The following RPAP3 variants were observed in gnomAD, a reference collection of about 807,000 sequenced individuals.
The protein encoded by RPAP3 is RNA polymerase II-associated protein 3.
In RPAP3, 58 loss-of-function variants were observed where a neutral mutation model predicts 88.8. The ratio of observed to expected loss-of-function variants is 0.65; its 90% confidence interval spans 0.53 to 0.81. The LOEUF (loss-of-function observed/expected upper bound fraction) is 0.81, where lower values mean the gene tolerates loss of function less well. Ranked by LOEUF, RPAP3 falls within the 40% of genes least tolerant of loss-of-function variation. The pLI, the probability that RPAP3 is intolerant of heterozygous loss-of-function variation, is 0.00. For missense variants in RPAP3, 751 were observed against 764.3 expected (o/e 0.98, Z 0.20); for synonymous variants, 255 against 259.9 (o/e 0.98, Z 0.18).
intron 12 of RPAP3, among the ~76,000 whole-genome samples, chr12:47,673,789 T>G (rs1939050289): frequency 6.6e-6 from 1 of 152,074 alleles, no homozygotes; most frequent in Non-Finnish European, 1.5e-5. Context: ...TTGTAATTAT[T>G]CTCTAAATTA....
chr12:47,674,311 G>GA (rs774929086), intron 12 of RPAP3, among the ~76,000 whole-genome samples: 4 of 152,112 alleles, frequency 2.6e-5, no homozygotes, highest in Admixed American at 1.3e-4. Context: ...CAAAAAAGAT[G>GA]AAAATTCTAA....
At chr12:47,694,273 C>T (rs984685074) in intron 5 of RPAP3, among the ~76,000 whole-genome samples, 9 of 152,134 alleles carry the variant, frequency 5.9e-5, no homozygotes, top group Non-Finnish European at 1.2e-4. Context: ...AAAGTGATCT[C>T]GGCAAACATG....
At chr12:47,691,859 C>T (rs781370849) in intron 5 of RPAP3, among the ~76,000 whole-genome samples, 1 of 152,094 alleles carries the variant, frequency 6.6e-6, no homozygotes, top group Non-Finnish European at 1.5e-5. Context: ...CATTCTCCTG[C>T]CTCAGCCTCC....
rs376876523 is a variant in RPAP3 at position 47,702,883 on chromosome 12, A to G, written c.-6-37T>C. 6.2e-5 allele frequency: 94 copies of G among 1,521,066 alleles called. 1 individual carries two copies. The African/African-American group carries it at 1.2e-3, about 19-fold the overall frequency. The allele number at this position is 1,521,066 out of a possible 1,614,324, so 94.2% of individuals were successfully genotyped here. A position where few individuals can be genotyped will look rare whatever the true frequency, so the allele number is the denominator to read the frequency against. ...TGAACAACCAACCTCTGATAAGAAT[A>G]GGCCTATTTGGTTTATTTTTCTGAA... On this transcript the variant is annotated intron_variant, in intron 1 of 16. Transcript: ENST00000005386.
chr12:47,686,919 TAG>T lies in RPAP3; in HGVS notation c.865-14_865-13del, dbSNP rs1939336797. The T allele has an allele frequency of 2.6e-6, 4 of 1,558,850 alleles. No individual in the cohort carries two copies. The South Asian group carries it at 4.7e-5, about 18-fold the overall frequency. On this transcript the variant is annotated splice_polypyrimidine_tract_variant and intron_variant, in intron 8 of 16. Transcript: ENST00000005386. ...AAAAATCCATTCCCCTGTTATTTTG[TAG>T]AGAGATATGGAGAATAAAAAAAAAA...
At chr12:47,686,330 C>T (rs985425907) in intron 9 of RPAP3, among the ~76,000 whole-genome samples, 4 of 152,162 alleles carry the variant, frequency 2.6e-5, no homozygotes, top group Admixed American at 2.0e-4. Context: ...GTATATAAAA[C>T]ATTTCCAGAT....
intron 16 of RPAP3, among the ~76,000 whole-genome samples, chr12:47,664,225 T>A (rs1362106295): frequency 6.6e-6 from 1 of 151,972 alleles, no homozygotes; most frequent in Admixed American, 6.6e-5. Context: ...CCGTCTCTAC[T>A]AAAAATACAA....
At chr12:47,694,522 A>G (rs1939485364) in intron 5 of RPAP3, among the ~76,000 whole-genome samples, 1 of 152,182 alleles carries the variant, frequency 6.6e-6, no homozygotes, top group Non-Finnish European at 1.5e-5. Context: ...ATATATTAAA[A>G]TTGAATGTTT....
chr12:47,690,504 T>C lies in RPAP3; in HGVS notation c.667+14A>G, dbSNP rs1428560035. 4 of 1,587,312 alleles carry C rather than the reference T, an allele frequency of 2.5e-6. No homozygotes were observed. Among genetic ancestry groups the C allele is most frequent in the Non-Finnish European group, 3.4e-6 (4 of 1,167,290 alleles). On this transcript the variant is annotated intron_variant, in intron 6 of 16. Coordinates refer to ENST00000005386, the MANE Select transcript of RPAP3 (RefSeq NM_024604.3). ...CACTGTTAAAGAATTCTTTAGAGAG[T>C]GACTAGAAAATACCTTTTTTGGCCT... is the stretch of plus-strand genomic sequence containing the variant.
intron 7 of RPAP3, among the ~76,000 whole-genome samples, chr12:47,688,555 A>T (rs1290253804): frequency 6.6e-6 from 1 of 152,220 alleles, no homozygotes; most frequent in Non-Finnish European, 1.5e-5. Context: ...TTTATTCAAC[A>T]AATATTTATT....
At chr12:47,671,799 G>A (rs1374263055) in intron 12 of RPAP3, among the ~76,000 whole-genome samples, 1 of 152,164 alleles carries the variant, frequency 6.6e-6, no homozygotes, top group Admixed American at 6.5e-5. Context: ...CCGGGGTACT[G>A]AGAGCCACTG....
At chr12:47,689,321 A>G in intron 6 of RPAP3, 126 bp from the exon 7 acceptor site, 1 of 519,810 alleles carries the variant, frequency 1.9e-6, no homozygotes, top group Non-Finnish European at 3.3e-6. Context: ...GGAGAAACAA[A>G]GAAATACTAT....
chr12:47,665,560 A>G (rs2136603146), intron 16 of RPAP3, among the ~76,000 whole-genome samples: 1 of 151,156 alleles, frequency 6.6e-6, no homozygotes, highest in East Asian at 1.9e-4. Flanking sequence ...CTGGTTAACT[A>G]AAGCTAAAAC....
chr12:47,667,096 T>A lies in RPAP3; in HGVS notation c.1812-16A>T. On this transcript the variant is annotated splice_polypyrimidine_tract_variant and intron_variant, in intron 15 of 16. Transcript: ENST00000005386. ...CTTTTCTTTCCTGAAATAATCCAAA[T>A]ATAGAAACAAATGATCAGTTAAAAG... 3 of 1,209,780 alleles carry A rather than the reference T, an allele frequency of 2.5e-6. No homozygotes were observed. Among genetic ancestry groups the A allele is most frequent in the Non-Finnish European group, 2.3e-6 (2 of 887,434 alleles). The allele number at this position is 1,209,780 out of a possible 1,614,324, so 74.9% of individuals were successfully genotyped here.
intron 12 of RPAP3, among the ~76,000 whole-genome samples, chr12:47,674,623 C>T (rs547130658): frequency 2.6e-5 from 4 of 151,900 alleles, no homozygotes; most frequent in South Asian, 4.2e-4. Context: ...GTAGCTGATT[C>T]GATAAAGTGG....
chr12:47,681,996 T>G (rs1939231985), intron 9 of RPAP3, among the ~76,000 whole-genome samples, 179 bp from the exon 10 acceptor site: 1 of 152,120 alleles, frequency 6.6e-6, no homozygotes, highest in African/African-American at 2.4e-5. Context: ...CTGGAATCAT[T>G]TGGTGAGGAG....
At chr12:47,697,772 AAGAAAAAAAG>A (rs1438399372) in intron 3 of RPAP3, 53 bp from the exon 4 acceptor site, 1 of 1,480,970 alleles carries the variant, frequency 6.8e-7, no homozygotes, top group Non-Finnish European at 9.1e-7. Flanking sequence ...TAGGAAAAAA[AAGAAAAAAAG>A]ACATACTAAA....
rs779840219 is a variant in RPAP3 at position 47,697,588 on chromosome 12, A to T, written c.417+9T>A. The T allele has an allele frequency of 3.1e-6, 5 of 1,590,960 alleles. No homozygotes were observed. The highest frequency in any genetic ancestry group is 4.3e-6 in the Non-Finnish European group (5 of 1,173,418). The stretch of plus-strand genomic sequence containing the variant: ...ACATGAAAAAAAACAAAACCTAACT[A>T]ATTAGTACCTTTTCTTTTAAAACAA... On this transcript the variant is annotated intron_variant, in intron 4 of 16. Coordinates refer to ENST00000005386, the MANE Select transcript of RPAP3 (RefSeq NM_024604.3).
At chr12:47,689,280 C>A (rs2136632522) in intron 6 of RPAP3, 85 bp from the exon 7 acceptor site, 1 of 593,202 alleles carries the variant, frequency 1.7e-6, no homozygotes, top group Non-Finnish European at 2.9e-6. Context: ...TTGCCTGTGA[C>A]AATCAGGCAA....
Sources: gnomAD v4.1 joint callset for allele counts (sites outside exome capture counted in the v4.1 genomes callset) on GRCh38, gnomAD v4.1.1 for gene constraint, MANE v1.5 for transcripts, NCBI Gene and HGNC (gene_info 2026-07-23, HGNC 2026-07-21) for gene names.